NSFL1C: variants seen among roughly 807,000 people sequenced by gnomAD.
The protein encoded by NSFL1C is NSFL1 cofactor, also known as NSFL1 cofactor p47.
In NSFL1C, 14 loss-of-function variants were observed where a neutral mutation model predicts 43.1. That is an observed-to-expected ratio of 0.32 (90% CI 0.21 to 0.51). The LOEUF (loss-of-function observed/expected upper bound fraction) is 0.51. Ranked by LOEUF, NSFL1C falls within the 20% of genes least tolerant of loss-of-function variation. The probability of loss-of-function intolerance (pLI) is 0.98; values close to 1 mark genes in which losing one functional copy is unlikely to be tolerated. For synonymous variants in NSFL1C, 171 were observed against 183.5 expected, an observed-to-expected ratio of 0.93 and a Z score of 0.55; for missense variants, 406 against 472.5, an observed-to-expected ratio of 0.86 and a Z score of 1.30.
chr20:1,452,665 G>A, intron 6 of NSFL1C, 35 bp from the exon 7 acceptor site: 1 of 1,611,510 alleles, frequency 6.2e-7, no homozygotes, highest in Non-Finnish European at 8.5e-7. Context: ...GGTCCACAGA[G>A]AGAAGATGGA....
intron 2 of NSFL1C, among the ~76,000 whole-genome samples, chr20:1,458,860 G>A (rs765963786): frequency 2.0e-5 from 3 of 151,862 alleles, no homozygotes; most frequent in Non-Finnish European, 4.4e-5. Context: ...TGACAGCACT[G>A]GAGGAAAAGC....
At chr20:1,465,228 G>A (rs1229939792) in intron 1 of NSFL1C, among the ~76,000 whole-genome samples, 2 of 152,236 alleles carry the variant, frequency 1.3e-5, no homozygotes, top group African/African-American at 2.4e-5. Context: ...TCACAGAGAT[G>A]AAATAGACAT....
rs551040209 is a variant in NSFL1C, at chr20:1,452,890, C to G, written c.647+141G>C. ...AAATGGACATACAAGGTTTTTGGAG[C>G]AGATCTATGAATCCGTATCTCAACT... On this transcript the variant is annotated intron_variant, in intron 6 of 8. Coordinates refer to ENST00000216879, the MANE Select transcript of NSFL1C (RefSeq NM_016143.5). 23 of 714,946 alleles carry G rather than the reference C, an allele frequency of 3.2e-5. No individual in the cohort carries two copies. The African/African-American group carries it at 3.9e-4, about 12-fold the overall frequency. The allele number at this position is 714,946 out of a possible 1,614,324, so 44.3% of individuals were successfully genotyped here.
chr20:1,443,868 T>G lies in NSFL1C; in HGVS notation c.994A>C (p.Met332Leu), dbSNP rs2090001535. The G allele has an allele frequency of 3.1e-6, 5 of 1,613,576 alleles. No individual in the cohort carries two copies. The highest frequency in any genetic ancestry group is 2.7e-5 in the African/African-American group (2 of 74,946). Residue 332 changes from methionine to leucine, a missense_variant, in exon 9 of 9, where the codon ATG becomes CTG. Met to Leu is a conservative substitution (Grantham distance 15). Coordinates refer to ENST00000216879, the MANE Select transcript of NSFL1C (RefSeq NM_016143.5). ...RLFIVDARPA[M>L]AATSFILMTT... is the part of the protein sequence containing the mutation. ...ATGAGGATAAAGCTGGTGGCAGCCA[T>G]GGCTGGCCGGGCATCCACGATGAAG...
intron 3 of NSFL1C, 85 bp from the exon 4 acceptor site, chr20:1,455,217 G>A (rs1051384918): frequency 3.5e-6 from 5 of 1,432,894 alleles, no homozygotes; most frequent in Non-Finnish European, 4.9e-6. Flanking sequence ...GGCACACTGA[G>A]GCAAAGGGTA....
intron 5 of NSFL1C, among the ~76,000 whole-genome samples, chr20:1,453,522 A>G (rs1304249254): frequency 2.0e-5 from 3 of 152,206 alleles, no homozygotes; most frequent in Non-Finnish European, 4.4e-5. Context: ...ACAGTCATTA[A>G]AAATGTTATC....
rs2089964085 is a variant in NSFL1C at position 1,442,235 on chromosome 20, T to C, written c.*1514A>G. ...CAGTTTTTCCAGACCCATATGTAGG[T>C]TCCATAATCTCCACCTGCTGGAGAA... is the stretch of plus-strand genomic sequence containing the variant. On this transcript the variant is annotated 3_prime_UTR_variant, in exon 9 of 9. Coordinates refer to ENST00000216879, the MANE Select transcript of NSFL1C (RefSeq NM_016143.5). The C allele has an allele frequency of 6.6e-6, 1 of 152,184 alleles. No individual in the cohort carries two copies. 9.4% of individuals were successfully genotyped at this position (152,184 alleles called of 1,614,324 possible).
At chr20:1,453,462 G>C (rs570027566) in intron 5 of NSFL1C, among the ~76,000 whole-genome samples, 82 of 152,242 alleles carry the variant, frequency 5.4e-4, no homozygotes, top group Admixed American at 1.2e-3. Flanking sequence ...TTGGTATGCC[G>C]TGAGTGTCCG....
chr20:1,444,523 A>C (rs552173447), intron 8 of NSFL1C, among the ~76,000 whole-genome samples: 1 of 152,304 alleles, frequency 6.6e-6, no homozygotes, highest in Non-Finnish European at 1.5e-5. Flanking sequence ...CTGCCTTCTG[A>C]ACCTGGAGAT....
chr20:1,445,621 C>G, intron 8 of NSFL1C, 45 bp downstream of exon 8: 1 of 1,601,606 alleles, frequency 6.2e-7, no homozygotes, highest in Non-Finnish European at 8.5e-7. Context: ...GCGTGAGGCC[C>G]AGAGGACACT....
chr20:1,466,697 C>T (rs1033102047), intron 1 of NSFL1C, 23 bp downstream of exon 1: 63 of 1,534,174 alleles, frequency 4.1e-5, no homozygotes, highest in Non-Finnish European at 5.2e-5. Context: ...GCCCACCCGA[C>T]ACAGCCCGCC....
At position 1,466,727 on chromosome 20, in the gene NSFL1C, TC is replaced by T; in HGVS notation, c.97del (p.Asp33ThrfsTer6). On this transcript the variant is annotated frameshift_variant, in exon 1 of 9. Transcript: ENST00000216879. LOFTEE classifies it high-confidence loss of function. Reference protein sequence around the residue: ...ARFFLESAGWDLQIALASFYE... With the variant: ...ARFFLESAGWXLQIALASFYE... ...CCCGCCGCGCGGCGCTACCTGCAAG[TC>T]CCAGCCGGCCGACTCGAGAAAGAAG... The T allele has an allele frequency of 6.4e-7, 1 of 1,551,466 alleles. No homozygotes were observed.
chr20:1,461,196 C>G (rs3795135), intron 2 of NSFL1C, among the ~76,000 whole-genome samples: 34,552 of 152,094 alleles, frequency 0.23, 5,220 homozygotes, highest in East Asian at 0.73. Flanking sequence ...TTACAATTTA[C>G]TTGGGGAGAA....
chr20:1,446,931 A>C (rs2090071489), intron 7 of NSFL1C, among the ~76,000 whole-genome samples: 1 of 152,236 alleles, frequency 6.6e-6, no homozygotes, highest in Non-Finnish European at 1.5e-5. Context: ...TGCTTTCCAA[A>C]GTGTGTTCCA....
At chr20:1,447,362 C>T (rs879914697) in intron 7 of NSFL1C, among the ~76,000 whole-genome samples, 4 of 151,980 alleles carry the variant, frequency 2.6e-5, no homozygotes, top group Admixed American at 1.3e-4. Flanking sequence ...GGGCCGTATG[C>T]GACCCAGGAC....
At chr20:1,466,268 C>T (rs1599983145) in intron 1 of NSFL1C, among the ~76,000 whole-genome samples, 2 of 152,246 alleles carry the variant, frequency 1.3e-5, no homozygotes. Flanking sequence ...CAGAGGTATT[C>T]TCCCAGCAAT....
chr20:1,461,100 A>G (rs1391715917), intron 2 of NSFL1C, among the ~76,000 whole-genome samples: 1 of 152,246 alleles, frequency 6.6e-6, no homozygotes, highest in African/African-American at 2.4e-5. Context: ...AAGCTGTTGA[A>G]CAGTATCAGA....
At chr20:1,465,003 G>C (rs889283693) in intron 1 of NSFL1C, among the ~76,000 whole-genome samples, 1 of 152,122 alleles carries the variant, frequency 6.6e-6, no homozygotes, top group Admixed American at 6.5e-5. Flanking sequence ...TTTCTTTCAA[G>C]TTGTTTCCTA....
intron 2 of NSFL1C, among the ~76,000 whole-genome samples, chr20:1,461,918 T>C (rs995630773): frequency 2.5e-4 from 38 of 152,216 alleles, no homozygotes; most frequent in African/African-American, 8.2e-4. Flanking sequence ...CTGTCTCCTA[T>C]AGCAATGGTT....
Sources: allele counts gnomAD v4.1 joint callset (sites outside exome capture counted in the v4.1 genomes callset), GRCh38; gene constraint gnomAD v4.1.1; transcripts MANE v1.5; gene names NCBI Gene and HGNC (gene_info 2026-07-23, HGNC 2026-07-21).